RAB11FIP4: variants seen among roughly 807,000 people sequenced by gnomAD.
The protein encoded by RAB11FIP4 is rab11 family-interacting protein 4.
Under a neutral mutation model 74.3 loss-of-function variants are expected in RAB11FIP4, and 23 were observed. The ratio of observed to expected loss-of-function variants is 0.31; its 90% CI spans 0.22 to 0.44. The LOEUF is 0.44. Ranked by LOEUF, RAB11FIP4 falls within the 20% of genes least tolerant of loss-of-function variation. The probability of loss-of-function intolerance (pLI) is 1.00; values close to 1 mark genes in which losing one functional copy is unlikely to be tolerated. For missense variants in RAB11FIP4, 630 were observed against 863.9 expected, an observed-to-expected ratio of 0.73 and a Z score of 3.39; for synonymous variants, 360 against 359.9, an observed-to-expected ratio of 1.00 and a Z score of 0.00.
chr17:31,505,000 G>A (rs2072290271), intron 3 of RAB11FIP4, among the ~76,000 whole-genome samples: 2 of 152,110 alleles, frequency 1.3e-5, no homozygotes, highest in African/African-American at 2.4e-5. Flanking sequence ...TTTCCGTTTG[G>A]TAGAAGTTAG....
intron 1 of RAB11FIP4, among the ~76,000 whole-genome samples, chr17:31,405,327 C>T (rs2071032398): frequency 6.6e-6 from 1 of 152,086 alleles, no homozygotes; most frequent in Non-Finnish European, 1.5e-5. Flanking sequence ...CTCACGCAGC[C>T]TCAGGGCCTG....
intron 3 of RAB11FIP4, among the ~76,000 whole-genome samples, chr17:31,459,144 C>T (rs1014059970): frequency 6.6e-6 from 1 of 152,108 alleles, no homozygotes; most frequent in Non-Finnish European, 1.5e-5. Flanking sequence ...GTATTGCCTA[C>T]ACCCCCTGCC....
chr17:31,418,163 G>A (rs944992206), intron 1 of RAB11FIP4, among the ~76,000 whole-genome samples: 51 of 152,236 alleles, frequency 3.4e-4, no homozygotes, highest in African/African-American at 1.2e-3. Context: ...CAAGGCGGGC[G>A]GATCACCTGA....
intron 1 of RAB11FIP4, among the ~76,000 whole-genome samples, chr17:31,418,857 G>A (rs147898419): frequency 4.6e-5 from 7 of 152,240 alleles, no homozygotes; most frequent in African/African-American, 1.7e-4. Flanking sequence ...GGGAAGAAGT[G>A]TCACTATTTA....
intron 1 of RAB11FIP4, among the ~76,000 whole-genome samples, chr17:31,406,876 TTA>T (rs2071046824): frequency 6.6e-6 from 1 of 152,280 alleles, no homozygotes; most frequent in African/African-American, 2.4e-5. Flanking sequence ...TTTCTTTCAA[TTA>T]TATCACATCT....
intron 9 of RAB11FIP4, chr17:31,524,220 T>A: frequency 1.9e-6 from 1 of 529,630 alleles, no homozygotes; most frequent in East Asian, 3.3e-5. Flanking sequence ...CTAGGCCCAA[T>A]GGATTCTACC....
intron 3 of RAB11FIP4, among the ~76,000 whole-genome samples, chr17:31,448,763 C>T (rs903178273): frequency 6.6e-6 from 1 of 152,046 alleles, no homozygotes; most frequent in Non-Finnish European, 1.5e-5. Flanking sequence ...ATCCTTCTGA[C>T]CAGATCCTCC....
chr17:31,418,159 G>C (rs545697952), intron 1 of RAB11FIP4, among the ~76,000 whole-genome samples: 6 of 152,054 alleles, frequency 3.9e-5, no homozygotes, highest in Admixed American at 3.3e-4. Flanking sequence ...AGGACAAGGC[G>C]GGCGGATCAC....
At chr17:31,491,000 G>A (rs1048041695) in intron 3 of RAB11FIP4, among the ~76,000 whole-genome samples, 3 of 152,250 alleles carry the variant, frequency 2.0e-5, no homozygotes, top group African/African-American at 7.2e-5. Flanking sequence ...CAGGAACTGG[G>A]CACCTATGGC....
rs921973968 is a variant in RAB11FIP4, at chr17:31,525,161, G to A, written c.1205G>A (p.Arg402Gln). ...GAGCAGGCTCTGGAGGAGGAGGCGC[G>A]GCGCCACCGCGAGGCCTACGGCAAG... ...TAEQALEEEA[R>Q]RHREAYGKLE... is the part of the protein sequence containing the mutation. The change falls in exon 10 of 15, where the codon CGG (arginine) becomes CAG (glutamine). Residue 402 changes from arginine to glutamine, a missense_variant. Arg to Gln is a conservative substitution (Grantham distance 43). Coordinates refer to ENST00000621161, the MANE Select transcript of RAB11FIP4 (RefSeq NM_032932.6). 12 of 1,549,520 alleles carry A rather than the reference G, an allele frequency of 7.7e-6. No individual in the cohort carries two copies. Among genetic ancestry groups the A allele is most frequent in the Non-Finnish European group, 1.0e-5 (12 of 1,146,952 alleles).
intron 1 of RAB11FIP4, among the ~76,000 whole-genome samples, chr17:31,405,211 C>T (rs2071031382): frequency 1.3e-5 from 2 of 152,044 alleles, no homozygotes; most frequent in South Asian, 2.1e-4. Context: ...AGGGAGGCTC[C>T]CAGGCGGTCT....
At chr17:31,459,183 T>C (rs1431832570) in intron 3 of RAB11FIP4, among the ~76,000 whole-genome samples, 3 of 152,022 alleles carry the variant, frequency 2.0e-5, no homozygotes, top group Non-Finnish European at 4.4e-5. Context: ...CCTACCCACC[T>C]CCAAGTCCCT....
In RAB11FIP4 at chr17:31,534,020, A is replaced by G. The variant is rs2072917476; in HGVS notation, c.*2288A>G. On this transcript the variant is annotated 3_prime_UTR_variant, in exon 15 of 15. Transcript: ENST00000621161. ...TTTTAAAGATGGTGTATGTTTGTAA[A>G]AATATTCTTCTGGGCTCAAAAGCTA... is the stretch of plus-strand genomic sequence containing the variant. The G allele has an allele frequency of 6.6e-6, 1 of 152,166 alleles. No homozygotes were observed. Among genetic ancestry groups the G allele is most frequent in the African/African-American group, 2.4e-5 (1 of 41,434 alleles). 9.4% of individuals were successfully genotyped at this position (152,166 alleles called of 1,614,324 possible).
intron 1 of RAB11FIP4, among the ~76,000 whole-genome samples, chr17:31,400,147 C>T (rs1232317082): frequency 3.3e-5 from 5 of 152,030 alleles, no homozygotes; most frequent in South Asian, 2.1e-4. Context: ...GACCTGGGCT[C>T]GCATTCTGAT....
chr17:31,485,522 T>A (rs1392256101), intron 3 of RAB11FIP4, among the ~76,000 whole-genome samples: 1 of 152,168 alleles, frequency 6.6e-6, no homozygotes, highest in East Asian at 1.9e-4. Context: ...GATCCTGTCA[T>A]GTGACCTGCT....
intron 3 of RAB11FIP4, among the ~76,000 whole-genome samples, chr17:31,493,818 G>T (rs2072060537): frequency 6.6e-6 from 1 of 152,166 alleles, no homozygotes; most frequent in South Asian, 2.1e-4. Flanking sequence ...GCATGGTTCT[G>T]TGGGGTCCTA....
chr17:31,402,832 A>T (rs367771315), intron 1 of RAB11FIP4, among the ~76,000 whole-genome samples: 3 of 151,132 alleles, frequency 2.0e-5, no homozygotes, highest in African/African-American at 4.9e-5. Flanking sequence ...TCACCGTGTT[A>T]GCCAGGATGG....
intron 4 of RAB11FIP4, 129 bp from the exon 5 acceptor site, chr17:31,521,037 A>G: frequency 1.5e-6 from 1 of 677,418 alleles, no homozygotes; most frequent in Non-Finnish European, 2.5e-6. Flanking sequence ...AAATGTACTT[A>G]CCAGGTCAAG....
At chr17:31,442,085 G>A (rs1417037357) in intron 3 of RAB11FIP4, among the ~76,000 whole-genome samples, 2 of 151,432 alleles carry the variant, frequency 1.3e-5, no homozygotes, top group East Asian at 2.0e-4. Flanking sequence ...CGCAAGCTCC[G>A]CCTCCTGGGT....
Sources: gnomAD v4.1 joint callset for allele counts (sites outside exome capture counted in the v4.1 genomes callset) on GRCh38, gnomAD v4.1.1 for gene constraint, MANE v1.5 for transcripts, NCBI Gene and HGNC (gene_info 2026-07-23, HGNC 2026-07-21) for gene names.